PKIG: variants seen among roughly 807,000 people sequenced by gnomAD.
The protein encoded by PKIG is protein kinase (cAMP-dependent, catalytic) inhibitor gamma.
Under a neutral mutation model 6.8 loss-of-function variants are expected in PKIG, and 1 was observed. The observed-to-expected ratio is 0.15, with a 90% CI of 0.05 to 0.69. The LOEUF (loss-of-function observed/expected upper bound fraction) is 0.69. PKIG is among the 30% of genes least tolerant of loss of function. The probability of loss-of-function intolerance (pLI) is 0.82; values close to 1 mark genes in which losing one functional copy is unlikely to be tolerated. For missense variants in PKIG, 77 were observed against 104.0 expected, an observed-to-expected ratio of 0.74 and a Z score of 1.13; for synonymous variants, 39 against 43.0, an observed-to-expected ratio of 0.91 and a Z score of 0.36.
In PKIG at chr20:44,577,345, G is replaced by A. The variant is rs534496418; in HGVS notation, c.-240-5240G>A. The stretch of plus-strand genomic sequence containing the variant: ...GACAGGGTTTCACCATGTTGGCCAG[G>A]CTGGTCTCGAACTCCTGACCTCAAG... On this transcript the variant is annotated intron_variant, in intron 1 of 4. Coordinates refer to the PKIG transcript ENST00000372887. Among the ~76,000 whole-genome samples the A allele has an allele frequency of 2.6e-5, 4 of 152,026 alleles. No individual in the cohort carries two copies. In the South Asian group the frequency reaches 8.3e-4, roughly 32 times the overall value.
chr20:44,591,357 G>A (rs2065031939), intron 2 of PKIG, among the ~76,000 whole-genome samples: 1 of 152,192 alleles, frequency 6.6e-6, no homozygotes, highest in South Asian at 2.1e-4. Context: ...TGAATGGAAA[G>A]TCGCTGGAGG....
intron 1 of PKIG, among the ~76,000 whole-genome samples, chr20:44,532,528 G>GT (rs1393356382): frequency 6.6e-6 from 1 of 152,200 alleles, no homozygotes; most frequent in Non-Finnish European, 1.5e-5. Context: ...GATAGCCAGG[G>GT]TAAAAAAGTG....
Position 44,614,860 on chromosome 20 carries a change from A to G in PKIG, c.151+153A>G, listed in dbSNP as rs532095484. The G allele has an allele frequency of 1.2e-5, 9 of 734,004 alleles. No individual in the cohort carries two copies. Among genetic ancestry groups the G allele is most frequent in the South Asian group, 5.6e-5 (3 of 53,740 alleles). The allele number at this position is 734,004 out of a possible 1,614,324, so 45.5% of individuals were successfully genotyped here. ...CCATGGTCAGTGGCAGAGTCCAGCAATCTCTAGGTTGGAAGATGTTTGAGT... is the reference window on the plus strand; with the variant it reads ...CCATGGTCAGTGGCAGAGTCCAGCAGTCTCTAGGTTGGAAGATGTTTGAGT... On this transcript the variant is annotated intron_variant, in intron 3 of 3. Transcript: ENST00000372886. The surrounding 1 kb of genome is among the most constrained non-coding windows in gnomAD (Gnocchi z 4.6).
chr20:44,575,249 C>A (rs1371206242), intron 1 of PKIG, among the ~76,000 whole-genome samples: 1 of 152,166 alleles, frequency 6.6e-6, no homozygotes, highest in Admixed American at 6.5e-5. Flanking sequence ...GAGACGGAGG[C>A]TGGCCGTCAC....
chr20:44,537,666 C>T (rs980564203), intron 1 of PKIG, among the ~76,000 whole-genome samples: 3 of 151,786 alleles, frequency 2.0e-5, no homozygotes, highest in African/African-American at 7.3e-5. Flanking sequence ...CACCCTTCGC[C>T]TTTGAGGTTC....
chr20:44,613,306 C>T (rs904263445), intron 2 of PKIG, among the ~76,000 whole-genome samples: 4 of 152,208 alleles, frequency 2.6e-5, no homozygotes, highest in Non-Finnish European at 5.9e-5. Context: ...GCTGGAACTA[C>T]AGGCGCCCGC....
chr20:44,577,130 G>C (rs1190871167), intron 1 of PKIG, among the ~76,000 whole-genome samples: 1 of 151,206 alleles, frequency 6.6e-6, no homozygotes, highest in African/African-American at 2.4e-5. Context: ...TTTTTTTTGA[G>C]ACAGATTATC....
intron 1 of PKIG, among the ~76,000 whole-genome samples, chr20:44,563,810 C>T (rs550606085): frequency 1.3e-5 from 2 of 152,302 alleles, no homozygotes; most frequent in African/African-American, 4.8e-5. Context: ...GGATTACAGG[C>T]ATGAGCCACT....
intron 1 of PKIG, among the ~76,000 whole-genome samples, chr20:44,547,733 A>C: frequency 6.6e-6 from 1 of 152,162 alleles, no homozygotes; most frequent in Non-Finnish European, 1.5e-5. Flanking sequence ...GAATAGTAAT[A>C]ACATCTTAAA....
intron 1 of PKIG, among the ~76,000 whole-genome samples, chr20:44,574,384 A>T (rs1179641146): frequency 6.6e-6 from 1 of 152,118 alleles, no homozygotes; most frequent in Admixed American, 6.5e-5. Context: ...TGAAACATGT[A>T]CAAAACTAGA....
chr20:44,576,158 A>AGTGT (rs3221821), intron 1 of PKIG, among the ~76,000 whole-genome samples: 5,287 of 140,502 alleles, frequency 0.038, 104 homozygotes, highest in Middle Eastern at 0.071. Flanking sequence ...GACTAAGTAG[A>AGTGT]GTGTGTGTGT....
intron 1 of PKIG, among the ~76,000 whole-genome samples, chr20:44,537,087 GC>G (rs1165312989): frequency 1.3e-5 from 2 of 151,778 alleles, no homozygotes; most frequent in Non-Finnish European, 2.9e-5. Flanking sequence ...TTGCCATTAT[GC>G]CCGGCTAATT....
intron 1 of PKIG, among the ~76,000 whole-genome samples, chr20:44,556,896 C>T (rs2064718076): frequency 6.6e-6 from 1 of 152,052 alleles, no homozygotes; most frequent in South Asian, 2.1e-4. Context: ...AAGCCCCACT[C>T]ATTATTTTTA....
intron 1 of PKIG, among the ~76,000 whole-genome samples, chr20:44,559,201 G>A (rs1283160705): frequency 1.3e-5 from 2 of 151,960 alleles, no homozygotes; most frequent in African/African-American, 2.4e-5. Flanking sequence ...TTCTCATTTC[G>A]TAGAAGTAAA....
intron 1 of PKIG, among the ~76,000 whole-genome samples, chr20:44,547,719 A>G (rs1001882376): frequency 6.6e-6 from 1 of 152,170 alleles, no homozygotes; most frequent in Non-Finnish European, 1.5e-5. Flanking sequence ...GTCGGAAAAA[A>G]TGGGAATAGT....
chr20:44,564,604 G>C (rs1264345813), intron 1 of PKIG, among the ~76,000 whole-genome samples: 3 of 151,966 alleles, frequency 2.0e-5, no homozygotes, highest in Non-Finnish European at 4.4e-5. Context: ...ATGGGGTCTT[G>C]CTGTGTTTTC....
intron 1 of PKIG, among the ~76,000 whole-genome samples, chr20:44,575,997 A>G (rs1202849363): frequency 1.3e-5 from 2 of 151,884 alleles, no homozygotes; most frequent in Non-Finnish European, 2.9e-5. Flanking sequence ...CTGTTGTCAT[A>G]CCTCTCTGAA....
intron 1 of PKIG, among the ~76,000 whole-genome samples, chr20:44,566,290 C>A (rs578056304): frequency 6.6e-6 from 1 of 152,258 alleles, no homozygotes; most frequent in African/African-American, 2.4e-5. Flanking sequence ...ACCACAGAGA[C>A]CACAAAGCCT....
chr20:44,544,306 A>G (rs2064590627), intron 1 of PKIG, among the ~76,000 whole-genome samples: 1 of 152,072 alleles, frequency 6.6e-6, no homozygotes, highest in African/African-American at 2.4e-5. Flanking sequence ...CTGTTAGGAA[A>G]ATTTTTTTTT....
Sources: gnomAD v4.1 joint callset for allele counts (sites outside exome capture counted in the v4.1 genomes callset) on GRCh38, gnomAD v4.1.1 for gene constraint, Gnocchi (gnomAD v3.1) non-coding constraint, MANE v1.5 for transcripts, NCBI Gene and HGNC (gene_info 2026-07-23, HGNC 2026-07-21) for gene names.